FBXO41: variants seen among roughly 807,000 people sequenced by gnomAD.
The protein encoded by FBXO41 is F-box protein 41, also known as F-box only protein 41.
FBXO41 carries 33 observed loss-of-function variants against 81.6 expected under a neutral mutation model. That is an observed-to-expected ratio of 0.40 (90% CI 0.31 to 0.54). The LOEUF (loss-of-function observed/expected upper bound fraction) is 0.54. Among genes scored for constraint, FBXO41 ranks in the 20% least tolerant of loss-of-function variants. The probability of loss-of-function intolerance (pLI) is 0.39; values close to 1 mark genes in which losing one functional copy is unlikely to be tolerated. For synonymous variants in FBXO41, 576 were observed against 552.7 expected (o/e 1.04, Z -0.59); for missense variants, 1,107 against 1,236.0 (o/e 0.90, Z 1.56).
intron 1 of FBXO41, among the ~76,000 whole-genome samples, chr2:73,276,655 A>G (rs1372152448): frequency 6.6e-6 from 1 of 150,774 alleles, no homozygotes; most frequent in Non-Finnish European, 1.5e-5. Context: ...ACATGGGGGA[A>G]AAAAAAAGAT....
chr2:73,269,109 G>T lies in FBXO41; in HGVS notation c.522C>A (p.Gly174=), dbSNP rs1688392085. Residue 174 remains glycine, a synonymous_variant, in exon 2 of 13, where the codon GGC becomes GGA. Coordinates refer to ENST00000520530, the MANE Select transcript of FBXO41 (RefSeq NM_001371389.2). The surrounding 1 kb of genome is among the most constrained non-coding windows in gnomAD (Gnocchi z 7.0). The part of the protein sequence containing the change: ...ASSACSTPPP[G]PGPGPCPGPA... ...GCCCGGGGCAAGGGCCGGGGCCGGG[G>T]CCAGGCGGCGGCGTCGAGCACGCCG... 6.6e-7 allele frequency: 1 copy of T among 1,508,428 alleles called. No homozygotes were observed. Among genetic ancestry groups the T allele is most frequent in the South Asian group, 1.3e-5 (1 of 79,924 alleles). 93.4% of individuals were successfully genotyped at this position (1,508,428 alleles called of 1,614,324 possible).
chr2:73,263,788 A>G lies in FBXO41; in HGVS notation c.1965T>C (p.Ala655=). Residue 655 remains alanine, a synonymous_variant, in exon 8 of 13, where the codon GCT becomes GCC. Coordinates refer to ENST00000520530, the MANE Select transcript of FBXO41 (RefSeq NM_001371389.2). ...TGCGCAGGATCAGCAGGTTCCCCCC[A>G]GCTGCCTTCAGCAGGGACTCCAGCC... ...EAGLESLLKA[A]GGNLLILRIS... 1 of 1,614,050 alleles carries G rather than the reference A, an allele frequency of 6.2e-7. No homozygotes were observed. Among genetic ancestry groups the G allele is most frequent in the Non-Finnish European group, 8.5e-7 (1 of 1,179,886 alleles).
rs1687936990 is a variant in FBXO41, at chr2:73,259,707, GA to G, written c.2450-412del. Among the ~76,000 whole-genome samples the G allele has an allele frequency of 6.6e-6, 1 of 152,178 alleles. No homozygotes were observed. The highest frequency in any genetic ancestry group is 6.5e-5 in the Admixed American group (1 of 15,286). On this transcript the variant is annotated intron_variant, in intron 11 of 12. Transcript: ENST00000520530. The surrounding 1 kb of genome is among the most constrained non-coding windows in gnomAD (Gnocchi z 4.2). ...TGGGGACAGAGGGCTTCAGGGACTG[GA>G]TATGTCGTGAAGTCGGGGGAGGTAG...
At chr2:73,271,412 A>G (rs1373159513) in intron 1 of FBXO41, 2 of 155,026 alleles carry the variant, frequency 1.3e-5, no homozygotes, top group Non-Finnish European at 2.9e-5. Context: ...CTGTTCTGGA[A>G]TGACTGAGGG....
intron 8 of FBXO41, 82 bp from the exon 9 acceptor site, chr2:73,263,390 G>A: frequency 9.0e-7 from 1 of 1,110,494 alleles, no homozygotes; most frequent in Non-Finnish European, 1.2e-6. Context: ...CAAGGCCGAG[G>A]TTGGGGATCG....
intron 5 of FBXO41, 97 bp downstream of exon 5, chr2:73,265,185 G>T: frequency 8.4e-7 from 1 of 1,184,068 alleles, no homozygotes; most frequent in Non-Finnish European, 1.2e-6. Flanking sequence ...TATGTAGGAG[G>T]GGTGGGCAAG....
Position 73,264,339 on chromosome 2 carries a change from A to G in FBXO41, c.1745T>C (p.Val582Ala). 1.9e-6 allele frequency: 3 copies of G among 1,613,700 alleles called. No homozygotes were observed. Among genetic ancestry groups the G allele is most frequent in the Non-Finnish European group, 2.5e-6 (3 of 1,179,892 alleles). The change falls in exon 6 of 13, where the codon GTG (valine) becomes GCG (alanine). Residue 582 changes from valine to alanine, a missense_variant. By Grantham distance (64) the Val-to-Ala change is moderately conservative. Around this residue, in one of 2 missense-constraint regions of FBXO41, gnomAD observed 336 missense variants for 446.7 expected, o/e 0.75. Coordinates refer to ENST00000520530, the MANE Select transcript of FBXO41 (RefSeq NM_001371389.2). The stretch of plus-strand genomic sequence containing the variant: ...TGTCCAGACTGCGGGGTGGCGGGCC[A>G]CGAAGCGCCAGTCCCGGCAGACCTC... Reference protein sequence around the residue: ...AAEVCRDWRFVARHPAVWTRV... With the variant: ...AAEVCRDWRFAARHPAVWTRV...
intron 5 of FBXO41, 133 bp downstream of exon 5, chr2:73,265,149 G>T: frequency 2.4e-6 from 2 of 834,478 alleles, no homozygotes; most frequent in East Asian, 5.4e-5. Context: ...TGTCACAAGA[G>T]TTCCTGCCCC....
chr2:73,269,278 A>G lies in FBXO41; in HGVS notation c.353T>C (p.Phe118Ser). Residue 118 changes from phenylalanine to serine, a missense_variant, in exon 2 of 13, where the codon TTC (phenylalanine) becomes TCC (serine). Coordinates refer to ENST00000520530, the MANE Select transcript of FBXO41 (RefSeq NM_001371389.2). This position sits in a 1 kb window ranked among gnomAD's most constrained non-coding sequence, Gnocchi z 7.0. ...HHHHHAPLAH[F>S]PGDLVPASLP... ...GCTAGCGGGCACCAGGTCGCCGGGG[A>G]AGTGGGCGAGGGGAGCGTGGTGATG... 3 of 1,530,174 alleles carry G rather than the reference A, an allele frequency of 2.0e-6. No homozygotes were observed. The highest frequency in any genetic ancestry group is 1.2e-5 in the South Asian group (1 of 82,766). 94.8% of individuals were successfully genotyped at this position (1,530,174 alleles called of 1,614,324 possible).
At chr2:73,275,965 T>TTAG (rs1688670206) in intron 1 of FBXO41, among the ~76,000 whole-genome samples, 1 of 150,678 alleles carries the variant, frequency 6.6e-6, no homozygotes, top group Admixed American at 6.6e-5. Flanking sequence ...TTTTGTATTT[T>TTAG]TAGTAGAGGG....
intron 2 of FBXO41, among the ~76,000 whole-genome samples, chr2:73,268,172 C>T (rs1222613409): frequency 6.6e-6 from 1 of 152,040 alleles, no homozygotes; most frequent in African/African-American, 2.4e-5. Context: ...ACAGGAAGGT[C>T]GCTGGTGACA....
At chr2:73,262,189 C>T (rs1485258116) in intron 9 of FBXO41, among the ~76,000 whole-genome samples, 2 of 151,692 alleles carry the variant, frequency 1.3e-5, no homozygotes, top group African/African-American at 2.4e-5. Flanking sequence ...CACCACTGCA[C>T]TCCAGCCTGG....
rs750769586 is a variant in FBXO41 at position 73,263,684 on chromosome 2, G to A, written c.2069C>T (p.Thr690Met). 5.0e-6 allele frequency: 8 copies of A among 1,613,364 alleles called. No individual in the cohort carries two copies. Among genetic ancestry groups the A allele is most frequent in the South Asian group, 2.2e-5 (2 of 91,046 alleles). ...TTCTAGTCGGTTGACCCACCTGTAC[G>A]TGACAGCCTGCAGGGCACGGCAGTA... ...SCYCRALQAV[T>M]YRSATDPVGH... The change falls in exon 8 of 13, where the codon ACG (threonine) becomes ATG (methionine). Residue 690 changes from threonine (T) to methionine (M), a missense_variant. This residue lies in a region of FBXO41 where 336 missense variants were observed against 446.7 expected (regional missense o/e 0.75). Transcript: ENST00000520530.
chr2:73,270,685 C>T, intron 1 of FBXO41: 2 of 433,428 alleles, frequency 4.6e-6, no homozygotes, highest in Admixed American at 4.8e-5. Flanking sequence ...CCCCACACCC[C>T]TTTTGGCACA....
At position 73,259,237 on chromosome 2, in the gene FBXO41, C is replaced by T; in HGVS notation, c.2509G>A (p.Glu837Lys). 3 of 1,614,014 alleles carry T rather than the reference C, an allele frequency of 1.9e-6. No individual in the cohort carries two copies. Among genetic ancestry groups the T allele is most frequent in the Non-Finnish European group, 2.5e-6 (3 of 1,179,884 alleles). Residue 837 changes from glutamate (E) to lysine (K), a missense_variant, in exon 12 of 13, where the codon GAG (glutamate) becomes AAG (lysine). Glu to Lys is a moderately conservative substitution (Grantham distance 56). Around this residue, in one of 2 missense-constraint regions of FBXO41, gnomAD observed 336 missense variants for 446.7 expected, o/e 0.75. Transcript: ENST00000520530. This position sits in a 1 kb window ranked among gnomAD's most constrained non-coding sequence, Gnocchi z 4.2. ...VQIGIADYFK[E>K]PSSPEAQKLF... ...TTCTGGGCCTCAGGGCTGCTGGGCT[C>T]TTTGAAATAATCCGCAATCCCAATC...
intron 1 of FBXO41, among the ~76,000 whole-genome samples, chr2:73,279,278 T>A (rs1200555752): frequency 6.6e-6 from 1 of 152,072 alleles, no homozygotes; most frequent in African/African-American, 2.4e-5. Flanking sequence ...TGAAGGGAGA[T>A]AATTTTGGCT....
intron 1 of FBXO41, among the ~76,000 whole-genome samples, chr2:73,283,922 C>G (rs562420097): frequency 6.6e-6 from 1 of 152,008 alleles, no homozygotes; most frequent in African/African-American, 2.4e-5. Flanking sequence ...GCTCAGGGAG[C>G]GACAGGCGAG....
At chr2:73,280,769 A>G (rs924948245) in intron 1 of FBXO41, among the ~76,000 whole-genome samples, 1 of 152,224 alleles carries the variant, frequency 6.6e-6, no homozygotes, top group African/African-American at 2.4e-5. Flanking sequence ...ACTGATAATC[A>G]TGGACATGTT....
intron 1 of FBXO41, chr2:73,271,623 T>TACC (rs1688492959): frequency 1.9e-5 from 2 of 107,670 alleles, no homozygotes; most frequent in African/African-American, 3.6e-5. Flanking sequence ...AATTCTGCAC[T>TACC]CCCCCCCCCC....
Sources: allele counts gnomAD v4.1 joint callset (sites outside exome capture counted in the v4.1 genomes callset), GRCh38; gene constraint gnomAD v4.1.1; regional missense constraint gnomAD v4.1.1; non-coding constraint Gnocchi (gnomAD v3.1); transcripts MANE v1.5; gene names NCBI Gene and HGNC (gene_info 2026-07-23, HGNC 2026-07-21).